Variants in IL15 observed in about 807,000 individuals in gnomAD.
IL15 encodes interleukin-15.
A neutral mutation model predicts 19.6 loss-of-function variants in IL15; 11 were observed. The observed-to-expected ratio is 0.56, with a 90% CI of 0.35 to 0.93. The LOEUF is 0.93. Among genes scored for constraint, IL15 ranks in the 40% least tolerant of loss-of-function variants. IL15 has a pLI of 0.01. For missense variants in IL15, 197 were observed against 186.5 expected, an observed-to-expected ratio of 1.06 and a Z score of -0.33; for synonymous variants, 58 against 59.6, an observed-to-expected ratio of 0.97 and a Z score of 0.12.
At chr4:141,660,350 T>C (rs187802389) in intron 2 of IL15, among the ~76,000 whole-genome samples, 1 of 152,324 alleles carries the variant, frequency 6.6e-6, no homozygotes, top group Non-Finnish European at 1.5e-5. Flanking sequence ...GCCCCTCCTC[T>C]TTTATTTTAG....
At chr4:141,693,236 G>A (rs1728983303) in intron 2 of IL15, among the ~76,000 whole-genome samples, 1 of 151,924 alleles carries the variant, frequency 6.6e-6, no homozygotes, top group South Asian at 2.1e-4. Context: ...TCTTGTGAGA[G>A]CTCCCTCACT....
Position 141,708,820 on chromosome 4 carries a change from T to C in IL15, c.-99-10546T>C, listed in dbSNP as rs79326801. 4.9e-3 allele frequency among the ~76,000 whole-genome samples: 739 copies of C among 152,202 alleles called. 12 individuals carry two copies. Among genetic ancestry groups the C allele is most frequent in the African/African-American group, 0.017 (693 of 41,540 alleles). ...ATTCACTGTTTTGATCCCTTTTAGT[T>C]GGGGGAACAAGCACCAGGTAACTAT... On this transcript the variant is annotated intron_variant, in intron 2 of 7. Coordinates refer to ENST00000320650, the MANE Select transcript of IL15 (RefSeq NM_000585.5).
At chr4:141,666,431 G>A (rs1012062804) in intron 2 of IL15, among the ~76,000 whole-genome samples, 1 of 152,160 alleles carries the variant, frequency 6.6e-6, no homozygotes, top group African/African-American at 2.4e-5. Flanking sequence ...TCTTGGCCCA[G>A]TGCAGCCTTG....
chr4:141,695,272 CTTTTTTTTTTTTT>C (rs34115620), intron 2 of IL15, among the ~76,000 whole-genome samples: 1 of 62,564 alleles, frequency 1.6e-5, no homozygotes, highest in Non-Finnish European at 2.7e-5. Context: ...TCTATGATAC[CTTTTTTTTTTTTT>C]TTTTTTTTTT....
At chr4:141,655,669 A>AC (rs1365925201) in intron 1 of IL15, among the ~76,000 whole-genome samples, 2 of 152,132 alleles carry the variant, frequency 1.3e-5, no homozygotes, top group African/African-American at 4.8e-5. Context: ...CCATATTTAT[A>AC]CCCCCGAATC....
chr4:141,692,434 T>C (rs561195535), intron 2 of IL15, among the ~76,000 whole-genome samples: 2 of 152,344 alleles, frequency 1.3e-5, no homozygotes, highest in African/African-American at 4.8e-5. Context: ...TTCTACCAAA[T>C]GGTCAGGCTG....
intron 2 of IL15, among the ~76,000 whole-genome samples, chr4:141,703,755 G>A (rs1227420466): frequency 2.3e-5 from 3 of 129,340 alleles, no homozygotes; most frequent in South Asian, 2.4e-4. Context: ...AAAAAAAAAA[G>A]GTGTATAGAT....
chr4:141,642,660 C>T (rs1279357925), intron 1 of IL15, among the ~76,000 whole-genome samples: 3 of 152,202 alleles, frequency 2.0e-5, no homozygotes, highest in Non-Finnish European at 4.4e-5. Flanking sequence ...CACCTTGCCT[C>T]AGTGTCCAGA....
intron 2 of IL15, among the ~76,000 whole-genome samples, chr4:141,697,983 T>C (rs551578242): frequency 6.6e-5 from 10 of 152,270 alleles, no homozygotes; most frequent in Non-Finnish European, 1.0e-4. Flanking sequence ...TTGTCATATA[T>C]AGCTTTTATT....
At chr4:141,650,420 A>C (rs961108191) in intron 1 of IL15, among the ~76,000 whole-genome samples, 4 of 152,070 alleles carry the variant, frequency 2.6e-5, no homozygotes, top group Admixed American at 2.6e-4. Context: ...AGCCCCAAAC[A>C]TACTGTTATC....
chr4:141,683,492 C>T (rs1212366788), intron 2 of IL15, among the ~76,000 whole-genome samples: 5 of 149,462 alleles, frequency 3.3e-5, no homozygotes, highest in Non-Finnish European at 7.4e-5. Flanking sequence ...AATTGCTTGA[C>T]CCTGGGAGGC....
chr4:141,662,443 G>C (rs1451452536), intron 2 of IL15, among the ~76,000 whole-genome samples: 1 of 152,106 alleles, frequency 6.6e-6, no homozygotes, highest in Non-Finnish European at 1.5e-5. Context: ...TTGTAATAAG[G>C]CTACCTGCGT....
chr4:141,646,449 C>T (rs993344914), intron 1 of IL15, among the ~76,000 whole-genome samples: 9 of 151,972 alleles, frequency 5.9e-5, no homozygotes, highest in Admixed American at 2.0e-4. Context: ...AGATATCACC[C>T]CCTTCCCCAT....
rs200486307 is a variant in IL15, at chr4:141,732,885, A to G, written c.*37A>G. 4.1e-4 allele frequency: 657 copies of G among 1,595,014 alleles called. 1 individual carries two copies. Among genetic ancestry groups the G allele is most frequent in the Non-Finnish European group, 5.2e-4 (608 of 1,173,460 alleles). On this transcript the variant is annotated 3_prime_UTR_variant, in exon 8 of 8. Coordinates refer to ENST00000320650, the MANE Select transcript of IL15 (RefSeq NM_000585.5). ...TCTTTTTAAAGTGTTTCTGTTATTA[A>G]CAAACATCACTCTGCTGCTTAGACA...
chr4:141,694,549 T>C (rs1729029617), intron 2 of IL15, among the ~76,000 whole-genome samples: 1 of 152,150 alleles, frequency 6.6e-6, no homozygotes, highest in Admixed American at 6.5e-5. Flanking sequence ...CATGCTTATA[T>C]TTAAGATCAT....
chr4:141,695,510 G>A (rs1357395778), intron 2 of IL15, among the ~76,000 whole-genome samples: 1 of 151,398 alleles, frequency 6.6e-6, no homozygotes, highest in Non-Finnish European at 1.5e-5. Context: ...CCACATTTTG[G>A]GTCTTGGAAA....
intron 2 of IL15, among the ~76,000 whole-genome samples, chr4:141,689,954 G>A (rs997108604): frequency 6.6e-6 from 1 of 152,198 alleles, no homozygotes; most frequent in Non-Finnish European, 1.5e-5. Flanking sequence ...GCCCATGGAG[G>A]GGGTGGGAGG....
At chr4:141,680,108 G>C (rs1340294236) in intron 2 of IL15, among the ~76,000 whole-genome samples, 1 of 152,138 alleles carries the variant, frequency 6.6e-6, no homozygotes, top group African/African-American at 2.4e-5. Context: ...GAAAACAGCT[G>C]TTTATCTGTT....
intron 4 of IL15, chr4:141,721,068 A>G: frequency 7.9e-7 from 1 of 1,262,642 alleles, no homozygotes; most frequent in Non-Finnish European, 1.1e-6. Flanking sequence ...GATGCAGCTA[A>G]TATACCCAGT....
Sources: gnomAD v4.1 joint callset for allele counts (sites outside exome capture counted in the v4.1 genomes callset) on GRCh38, gnomAD v4.1.1 for gene constraint, MANE v1.5 for transcripts, NCBI Gene and HGNC (gene_info 2026-07-23, HGNC 2026-07-21) for gene names.